Variants in APOOL observed in about 807,000 individuals in gnomAD.
APOOL encodes the protein MICOS complex subunit MIC27.
In APOOL, 12 loss-of-function variants were observed where a neutral mutation model predicts 23.1. The ratio of observed to expected loss-of-function variants is 0.52; its 90% confidence interval spans 0.33 to 0.84. The LOEUF (loss-of-function observed/expected upper bound fraction) is 0.84. Ranked by LOEUF, APOOL falls within the 40% of genes least tolerant of loss-of-function variation. The probability of loss-of-function intolerance (pLI) is 0.02; values close to 1 mark genes in which losing one functional copy is unlikely to be tolerated. For synonymous variants in APOOL, 77 were observed against 69.9 expected, an observed-to-expected ratio of 1.10 and a Z score of -0.51; for missense variants, 212 against 199.6, an observed-to-expected ratio of 1.06 and a Z score of -0.37.
At chrX:85,024,983 A>G (rs1302061920) in intron 1 of APOOL, among the ~76,000 whole-genome samples, 1 of 112,236 alleles carries the variant, frequency 8.9e-6, no homozygotes, top group Non-Finnish European at 1.9e-5. Flanking sequence ...ATTGCTATAA[A>G]GAAATACCTG....
intron 8 of APOOL, among the ~76,000 whole-genome samples, chrX:85,077,753 A>G (rs1923915290): frequency 9.0e-6 from 1 of 111,535 alleles, no homozygotes; most frequent in Non-Finnish European, 1.9e-5. Flanking sequence ...ATTTCTCCAC[A>G]TCCTCTCCAG....
At chrX:85,070,158 A>G (rs1169518102) in intron 6 of APOOL, among the ~76,000 whole-genome samples, 1 of 111,728 alleles carries the variant, frequency 9.0e-6, no homozygotes, top group African/African-American at 3.2e-5. Flanking sequence ...AATTAAAAAA[A>G]CATTTTATTA....
Position 85,090,626 on chromosome X carries a change from G to T in APOOL, c.*2948G>T, listed in dbSNP as rs1569462729. The stretch of plus-strand genomic sequence containing the variant: ...CCCTACTGCTAATGTGTATTATATT[G>T]TCTTTATGACATACCATTTGTTTCT... On this transcript the variant is annotated 3_prime_UTR_variant, in exon 9 of 9. Transcript: ENST00000373173. 1 of 110,773 alleles carries T rather than the reference G, an allele frequency of 9.0e-6. No individual in the cohort carries two copies. Among genetic ancestry groups the T allele is most frequent in the Non-Finnish European group, 1.9e-5 (1 of 52,883 alleles). 9.1% of individuals were successfully genotyped at this position (110,773 alleles called of 1,213,427 possible). A position where few individuals can be genotyped will look rare whatever the true frequency, so the allele number is the denominator to read the frequency against.
At chrX:85,017,839 G>A (rs776572235) in intron 1 of APOOL, among the ~76,000 whole-genome samples, 37 of 112,096 alleles carry the variant, frequency 3.3e-4, no homozygotes, top group Middle Eastern at 4.6e-3. Context: ...TGTGTTTGGA[G>A]GCAGGTTTTC....
chrX:85,058,845 G>C (rs1396342724), intron 5 of APOOL, among the ~76,000 whole-genome samples: 5 of 110,580 alleles, frequency 4.5e-5, no homozygotes, highest in Non-Finnish European at 7.6e-5. Flanking sequence ...TTTTTTTCAT[G>C]TTTATTGGCC....
At chrX:85,056,476 G>T (rs1285343395) in intron 5 of APOOL, among the ~76,000 whole-genome samples, 2 of 111,930 alleles carry the variant, frequency 1.8e-5, no homozygotes, top group Admixed American at 1.9e-4. Context: ...GGGCACAGTG[G>T]CTCACGCCTA....
chrX:85,067,302 G>A, intron 6 of APOOL, 84 bp downstream of exon 6: 1 of 636,772 alleles, frequency 1.6e-6, no homozygotes. Context: ...CACAGCACCT[G>A]CAACATTTAA....
intron 5 of APOOL, among the ~76,000 whole-genome samples, chrX:85,062,262 A>G (rs974589078): frequency 3.6e-5 from 4 of 111,068 alleles, no homozygotes; most frequent in Non-Finnish European, 7.5e-5. Context: ...TAGATTCTGG[A>G]TATTAGACCT....
chrX:85,092,621 CAT>C lies in APOOL; in HGVS notation c.*4948_*4949del, dbSNP rs1444675709. On this transcript the variant is annotated 3_prime_UTR_variant, in exon 9 of 9. Coordinates refer to ENST00000373173, the MANE Select transcript of APOOL (RefSeq NM_198450.6). ...TTTGAAAGTATAATCTTCGTTAACA[CAT>C]ATATTTTATTGAAGGTCTACTCTAT... 1.2e-5 allele frequency: 12 copies of C among 1,035,788 alleles called. No homozygotes were observed. The highest frequency in any genetic ancestry group is 3.7e-5 in the African/African-American group (2 of 53,363). 85.4% of individuals were successfully genotyped at this position (1,035,788 alleles called of 1,213,427 possible). A position where few individuals can be genotyped will look rare whatever the true frequency, so the allele number is the denominator to read the frequency against.
chrX:85,061,357 C>G (rs1309438789), intron 5 of APOOL, among the ~76,000 whole-genome samples: 2 of 111,391 alleles, frequency 1.8e-5, no homozygotes, highest in Non-Finnish European at 3.8e-5. Flanking sequence ...TCCATTGTGT[C>G]TCTGCCCGGC....
chrX:85,005,396 C>G (rs188750751), intron 1 of APOOL, among the ~76,000 whole-genome samples: 21 of 18,232 alleles, frequency 1.2e-3, no homozygotes, highest in African/African-American at 3.0e-3. Flanking sequence ...CGTGATTCAC[C>G]CCCCCCCCCC....
chrX:85,086,577 T>C (rs1158687216), intron 8 of APOOL, among the ~76,000 whole-genome samples: 2 of 111,997 alleles, frequency 1.8e-5, no homozygotes, highest in African/African-American at 6.5e-5. Context: ...TTTTCACCAC[T>C]TCTACTTCCA....
intron 3 of APOOL, 140 bp downstream of exon 3, chrX:85,051,648 T>C: frequency 1.1e-6 from 1 of 876,335 alleles, no homozygotes; most frequent in South Asian, 2.5e-5. Flanking sequence ...ATTTTGTAAG[T>C]CATGAATTTG....
At chrX:85,085,298 G>A (rs900701469) in intron 8 of APOOL, among the ~76,000 whole-genome samples, 1 of 111,543 alleles carries the variant, frequency 9.0e-6, no homozygotes, top group East Asian at 2.8e-4. Context: ...CATTATTGAA[G>A]ACAATGTCCA....
At chrX:85,030,099 C>G (rs1393168868) in intron 1 of APOOL, among the ~76,000 whole-genome samples, 2 of 112,008 alleles carry the variant, frequency 1.8e-5, no homozygotes, top group African/African-American at 6.5e-5. Context: ...AAACATGGAA[C>G]CAACCTAAAT....
At position 85,046,176 on chromosome X, in the gene APOOL, T is replaced by C. The variant is rs1602761950; in HGVS notation, c.16-270T>C. The C allele has an allele frequency of 1.4e-5, 3 of 214,246 alleles. No homozygotes were observed. The East Asian group carries it at 3.0e-4, about 22-fold the overall frequency. 17.7% of individuals were successfully genotyped at this position (214,246 alleles called of 1,213,427 possible). ...TAGTAATTATTACATTGCTATATTA[T>C]TACATAATAATATTCCAGATAAATA... On this transcript the variant is annotated intron_variant, in intron 1 of 8. Transcript: ENST00000373173.
At position 85,083,969 on chromosome X, in the gene APOOL, A is replaced by C. The variant is rs1410669435; in HGVS notation, c.719-3621A>C. ...TTCTTATTAGAGAGCAAACGTATAA[A>C]ATTGCAAAGGAATGCATCATGATGA... is the stretch of plus-strand genomic sequence containing the variant. On this transcript the variant is annotated intron_variant, in intron 8 of 8. Transcript: ENST00000373173. Among the ~76,000 whole-genome samples the C allele has an allele frequency of 3.6e-5, 4 of 111,002 alleles. No individual in the cohort carries two copies. In the Admixed American group the frequency reaches 3.9e-4, roughly 11 times the overall value.
At position 85,062,444 on chromosome X, in the gene APOOL, A is replaced by G. The variant is rs139010436; in HGVS notation, c.395-4683A>G. ...TGATTTCATGATAAAATCTTTGCCCATGCCTATGTCTGAATGGTATTGCCT... is the reference window on the plus strand; with the variant it reads ...TGATTTCATGATAAAATCTTTGCCCGTGCCTATGTCTGAATGGTATTGCCT... On this transcript the variant is annotated intron_variant, in intron 5 of 8. Transcript: ENST00000373173. Among the ~76,000 whole-genome samples the G allele has an allele frequency of 6.2e-3, 691 of 111,680 alleles. 5 individuals carry two copies. The highest frequency in any genetic ancestry group is 0.022 in the African/African-American group (665 of 30,773).
chrX:85,008,536 TGTG>T (rs1223013687), intron 1 of APOOL, among the ~76,000 whole-genome samples: 13 of 10,961 alleles, frequency 1.2e-3, no homozygotes, highest in African/African-American at 2.9e-3. Context: ...GATAACCCGT[TGTG>T]TGTGTGTGTG....
Sources: allele counts gnomAD v4.1 joint callset (sites outside exome capture counted in the v4.1 genomes callset), GRCh38; gene constraint gnomAD v4.1.1; transcripts MANE v1.5; gene names NCBI Gene and HGNC (gene_info 2026-07-23, HGNC 2026-07-21).